Variants in PTPRT observed in about 807,000 individuals in gnomAD.
The protein encoded by PTPRT is protein tyrosine phosphatase receptor type T.
Under a neutral mutation model 176.8 loss-of-function variants are expected in PTPRT, and 56 were observed. That is an observed-to-expected ratio of 0.32 (90% CI 0.26 to 0.40). The LOEUF is 0.40. PTPRT is among the 10% of genes least tolerant of loss of function. The probability of loss-of-function intolerance (pLI) is 1.00; values close to 1 mark genes in which losing one functional copy is unlikely to be tolerated. For synonymous variants in PTPRT, 783 were observed against 739.0 expected, an observed-to-expected ratio of 1.06 and a Z score of -0.96; for missense variants, 1,540 against 1,908.2, an observed-to-expected ratio of 0.81 and a Z score of 3.60.
In PTPRT at chr20:42,451,275, C is replaced by CT. The variant is rs1362705636; in HGVS notation, c.1451-2947dup. Among the ~76,000 whole-genome samples the CT allele has an allele frequency of 2.4e-3, 358 of 152,220 alleles. 2 individuals are homozygous for CT. The highest frequency in any genetic ancestry group is 7.8e-3 in the African/African-American group (323 of 41,542). On this transcript the variant is annotated intron_variant, in intron 8 of 30. Transcript: ENST00000373187. ...GGATGTGTCATGGAGAACTGCAACC[C>CT]TTTTGTTTTACACAACTGGGGGATC...
Position 42,493,350 on chromosome 20 carries a change from G to T in PTPRT, c.1154-20788C>A, listed in dbSNP as rs186650740. Among the ~76,000 whole-genome samples, 3 of 152,184 alleles carry T rather than the reference G, an allele frequency of 2.0e-5. No homozygotes were observed. In the East Asian group the frequency reaches 5.8e-4, roughly 29 times the overall value. On this transcript the variant is annotated intron_variant, in intron 7 of 30. Coordinates refer to ENST00000373187, the MANE Select transcript of PTPRT (RefSeq NM_007050.6). ...ATTTGTAGAAGGAGGAAATTTGGAG[G>T]ACTTTGAGGGGTTTTTTTTTAAGAC...
chr20:42,443,600 C>T (rs2059337989), intron 9 of PTPRT, among the ~76,000 whole-genome samples: 1 of 152,212 alleles, frequency 6.6e-6, no homozygotes, highest in South Asian at 2.1e-4. Flanking sequence ...GGATTCTGAG[C>T]TCCCCTTTCA....
intron 12 of PTPRT, among the ~76,000 whole-genome samples, chr20:42,306,406 G>A (rs1011766032): frequency 3.3e-5 from 5 of 152,124 alleles, no homozygotes; most frequent in African/African-American, 1.2e-4. Flanking sequence ...AAGAGTTCTA[G>A]GCAGATAAAT....
intron 21 of PTPRT, among the ~76,000 whole-genome samples, chr20:42,116,262 C>G (rs10153998): frequency 6.6e-6 from 1 of 152,168 alleles, no homozygotes; most frequent in Non-Finnish European, 1.5e-5. Flanking sequence ...TTGTGTTTTG[C>G]GACTCTCCAA....
At chr20:43,159,461 A>T (rs997423379) in intron 1 of PTPRT, among the ~76,000 whole-genome samples, 2 of 152,244 alleles carry the variant, frequency 1.3e-5, no homozygotes, top group African/African-American at 4.8e-5. Context: ...AATGGCAGGC[A>T]TCATATCTGC....
intron 9 of PTPRT, among the ~76,000 whole-genome samples, chr20:42,370,601 T>C (rs186437512): frequency 3.7e-4 from 56 of 152,332 alleles, no homozygotes; most frequent in African/African-American, 1.3e-3. Flanking sequence ...GATTTTCTCT[T>C]CTGTTAAATG....
intron 2 of PTPRT, among the ~76,000 whole-genome samples, chr20:42,828,596 G>C (rs1006297317): frequency 1.3e-5 from 2 of 152,170 alleles, no homozygotes; most frequent in African/African-American, 4.8e-5. Context: ...GCCAGGCCCA[G>C]GGACCCCTGC....
At chr20:42,374,680 C>A (rs1289726881) in intron 9 of PTPRT, among the ~76,000 whole-genome samples, 2 of 152,126 alleles carry the variant, frequency 1.3e-5, no homozygotes, top group East Asian at 3.9e-4. Flanking sequence ...AAAAGAGATT[C>A]CACCTCACCA....
chr20:42,793,929 T>C (rs2077414425), intron 2 of PTPRT, among the ~76,000 whole-genome samples: 1 of 152,146 alleles, frequency 6.6e-6, no homozygotes, highest in African/African-American at 2.4e-5. Context: ...GTCTCTCTCC[T>C]CTCTGAATCC....
chr20:43,033,621 A>G (rs944598966), intron 1 of PTPRT, among the ~76,000 whole-genome samples: 1 of 152,216 alleles, frequency 6.6e-6, no homozygotes, highest in Non-Finnish European at 1.5e-5. Flanking sequence ...CATAATAATG[A>G]AAAGATGAGT....
chr20:42,137,768 A>C (rs576908643), intron 18 of PTPRT, among the ~76,000 whole-genome samples: 20 of 152,342 alleles, frequency 1.3e-4, no homozygotes, highest in African/African-American at 4.6e-4. Context: ...CCCTAGAGCC[A>C]TCTGATGGGT....
chr20:42,270,444 C>T (rs1359501262), intron 13 of PTPRT: 1 of 1,537,918 alleles, frequency 6.5e-7, no homozygotes. Context: ...CTGGGCGCTG[C>T]CCATTGGTGC....
chr20:42,549,242 A>G (rs565558320), intron 7 of PTPRT, among the ~76,000 whole-genome samples: 1 of 152,270 alleles, frequency 6.6e-6, no homozygotes, highest in South Asian at 2.1e-4. Context: ...AAAGCTTAGA[A>G]GTAATGTGTG....
chr20:42,986,844 G>C (rs1983608598), intron 1 of PTPRT, among the ~76,000 whole-genome samples: 1 of 152,166 alleles, frequency 6.6e-6, no homozygotes, highest in Admixed American at 6.5e-5. Context: ...CCTAGAAAGA[G>C]AGCTGTACAG....
chr20:42,883,478 A>T (rs2079036985), intron 2 of PTPRT, among the ~76,000 whole-genome samples: 1 of 152,056 alleles, frequency 6.6e-6, no homozygotes, highest in African/African-American at 2.4e-5. Context: ...GACGAGGAAC[A>T]GTGGAAAGTG....
At chr20:42,266,568 T>C (rs1194158794) in intron 13 of PTPRT, among the ~76,000 whole-genome samples, 5 of 152,206 alleles carry the variant, frequency 3.3e-5, no homozygotes, top group Admixed American at 6.5e-5. Flanking sequence ...TGCCCAATCC[T>C]GGCCAGAAGA....
chr20:42,676,973 T>G (rs530988380), intron 7 of PTPRT, among the ~76,000 whole-genome samples: 1 of 152,186 alleles, frequency 6.6e-6, no homozygotes, highest in East Asian at 1.9e-4. Context: ...AACTCTTACA[T>G]GGCATCCAGG....
chr20:42,134,313 A>C (rs953077066), intron 18 of PTPRT, among the ~76,000 whole-genome samples: 5 of 152,212 alleles, frequency 3.3e-5, no homozygotes, highest in African/African-American at 1.2e-4. Flanking sequence ...CTTGAAAAAC[A>C]GCTAATTTGG....
In PTPRT at chr20:42,445,413, C is replaced by T. The variant is rs74944258; in HGVS notation, c.1560+2807G>A. Reference sequence around the variant, plus strand: ...AGGTTCTGAGAGGCCACTTGATGTACTCAAGGTCACAGAGCAAGTAAATGT... The same window carrying T: ...AGGTTCTGAGAGGCCACTTGATGTATTCAAGGTCACAGAGCAAGTAAATGT... On this transcript the variant is annotated intron_variant, in intron 9 of 30. Coordinates refer to ENST00000373187, the MANE Select transcript of PTPRT (RefSeq NM_007050.6). 5.3e-3 allele frequency among the ~76,000 whole-genome samples: 803 copies of T among 152,264 alleles called. 2 individuals carry two copies. The highest frequency in any genetic ancestry group is 9.3e-3 in the Non-Finnish European group (633 of 68,026).
Sources: allele counts gnomAD v4.1 joint callset (sites outside exome capture counted in the v4.1 genomes callset), GRCh38; gene constraint gnomAD v4.1.1; transcripts MANE v1.5; gene names NCBI Gene and HGNC (gene_info 2026-07-23, HGNC 2026-07-21).